ARHGAP10: variants seen among roughly 807,000 people sequenced by gnomAD.
ARHGAP10 encodes the protein rho GTPase-activating protein 10.
In ARHGAP10, 87 loss-of-function variants were observed where a neutral mutation model predicts 108.6. The observed-to-expected ratio is 0.80, with a 90% confidence interval of 0.67 to 0.96. The LOEUF (loss-of-function observed/expected upper bound fraction) is 0.96, where lower values mean the gene tolerates loss of function less well. Among genes scored for constraint, ARHGAP10 ranks in the 40% least tolerant of loss-of-function variants. The probability of loss-of-function intolerance (pLI) is 0.00; values close to 1 mark genes in which losing one functional copy is unlikely to be tolerated. For missense variants in ARHGAP10, 939 were observed against 954.5 expected (o/e 0.98, Z 0.21); for synonymous variants, 347 against 341.1 (o/e 1.02, Z -0.19).
intron 20 of ARHGAP10, among the ~76,000 whole-genome samples, chr4:148,060,016 GGGGAGAGAGAC>G (rs892575487): frequency 2.4e-4 from 21 of 86,078 alleles, no homozygotes; most frequent in African/African-American, 6.8e-4. Context: ...GAGAGAGAGA[GGGGAGAGAGAC>G]GAGAGAGAGA....
At position 147,966,697 on chromosome 4, in the gene ARHGAP10, A is replaced by G; in HGVS notation, c.1574A>G (p.Lys525Arg). 6.3e-7 allele frequency: 1 copy of G among 1,585,402 alleles called. No individual in the cohort carries two copies. The highest frequency in any genetic ancestry group is 8.6e-7 in the Non-Finnish European group (1 of 1,162,234). Reference protein sequence around the residue: ...KHLTNVSNHSKQNLMTVANLG... With the variant: ...KHLTNVSNHSRQNLMTVANLG... ...AATTTCAGTGTTTCAAATCACTCCA[A>G]GCAGAACCTGATGACTGTGGCAAAC... The change falls in exon 18 of 23, where the codon AAG (lysine) becomes AGG (arginine). Residue 525 changes from lysine to arginine, a missense_variant. Transcript: ENST00000336498.
intron 3 of ARHGAP10, among the ~76,000 whole-genome samples, chr4:147,839,361 G>A (rs763848475): frequency 6.6e-5 from 10 of 152,174 alleles, no homozygotes; most frequent in Non-Finnish European, 1.5e-4. Context: ...CTCAGATTAT[G>A]CATTCCTCTG....
At chr4:148,018,958 G>C (rs552459353) in intron 18 of ARHGAP10, among the ~76,000 whole-genome samples, 1 of 152,226 alleles carries the variant, frequency 6.6e-6, no homozygotes, top group African/African-American at 2.4e-5. Flanking sequence ...AACTGCTTAT[G>C]AGAAAGCTTG....
intron 10 of ARHGAP10, among the ~76,000 whole-genome samples, chr4:147,885,516 G>A (rs1237091777): frequency 1.3e-5 from 2 of 152,198 alleles, no homozygotes; most frequent in East Asian, 1.9e-4. Flanking sequence ...TACAATTCAA[G>A]TTGAGACTTG....
At position 147,866,750 on chromosome 4, in the gene ARHGAP10, T is replaced by C; in HGVS notation, c.636T>C (p.His212=). The change falls in exon 7 of 23, where the codon CAT becomes CAC. Residue 212 remains histidine, a synonymous_variant. Transcript: ENST00000336498. The part of the protein sequence containing the change: ...SFFQGMFTFY[H]QGHELAKDFN... ...TTCAGGGGATGTTTACCTTCTATCA[T>C]CAGGGCCATGAACTTGCCAAAGACT... 6.2e-7 allele frequency: 1 copy of C among 1,613,948 alleles called. No individual in the cohort carries two copies. Among genetic ancestry groups the C allele is most frequent in the Non-Finnish European group, 8.5e-7 (1 of 1,179,890 alleles).
At chr4:148,022,706 G>A in intron 18 of ARHGAP10, among the ~76,000 whole-genome samples, 1 of 152,258 alleles carries the variant, frequency 6.6e-6, no homozygotes, top group Admixed American at 6.5e-5. Flanking sequence ...ATAAAAGAGG[G>A]GTTAGAGGGT....
At chr4:148,068,721 G>A (rs1002540175) in intron 22 of ARHGAP10, among the ~76,000 whole-genome samples, 2 of 152,240 alleles carry the variant, frequency 1.3e-5, no homozygotes, top group Admixed American at 1.3e-4. Context: ...CCAGGACGCA[G>A]CCTCCCTGTG....
At chr4:148,006,960 A>G (rs963225903) in intron 18 of ARHGAP10, among the ~76,000 whole-genome samples, 1 of 152,220 alleles carries the variant, frequency 6.6e-6, no homozygotes, top group East Asian at 1.9e-4. Context: ...AGCACTCAGC[A>G]GTACTATACT....
intron 7 of ARHGAP10, among the ~76,000 whole-genome samples, chr4:147,870,308 G>C (rs1419406642): frequency 6.6e-6 from 1 of 152,140 alleles, no homozygotes; most frequent in African/African-American, 2.4e-5. Flanking sequence ...TGATCTGCCT[G>C]CCTTGGCCTC....
At chr4:147,752,509 T>TACACAGGTTTAATCTGTAC (rs1729196160) in intron 1 of ARHGAP10, among the ~76,000 whole-genome samples, 1 of 151,986 alleles carries the variant, frequency 6.6e-6, no homozygotes, top group African/African-American at 2.4e-5. Flanking sequence ...TAATAGAGGG[T>TACACAGGTTTAATCTGTAC]ACACAGGTTT....
rs540899232 is a variant in ARHGAP10, at chr4:147,807,597, A to C, written c.155-15130A>C. Among the ~76,000 whole-genome samples the C allele has an allele frequency of 2.7e-3, 411 of 152,318 alleles. 1 individual carries two copies. The highest frequency in any genetic ancestry group is 6.8e-3 in the Middle Eastern group (2 of 294). ...AACATTTGACTACCTAAAAATAGAG[A>C]GTTCAAAAGCATAATCCAAAAAAAG... On this transcript the variant is annotated intron_variant, in intron 1 of 22. Coordinates refer to ENST00000336498, the MANE Select transcript of ARHGAP10 (RefSeq NM_024605.4).
At chr4:147,732,599 G>A (rs987441402) in intron 1 of ARHGAP10, 144 bp downstream of exon 1, 11 of 1,160,802 alleles carry the variant, frequency 9.5e-6, no homozygotes, top group Middle Eastern at 2.9e-4. Context: ...CAGCTCTCTC[G>A]GAACCCCGGG....
At chr4:147,757,869 G>T in intron 1 of ARHGAP10, among the ~76,000 whole-genome samples, 1 of 152,260 alleles carries the variant, frequency 6.6e-6, no homozygotes, top group Middle Eastern at 3.4e-3. Context: ...GCCCATCCCT[G>T]TCCAGTCACC....
intron 1 of ARHGAP10, among the ~76,000 whole-genome samples, chr4:147,776,174 G>A (rs910772838): frequency 2.6e-5 from 4 of 152,178 alleles, no homozygotes; most frequent in Non-Finnish European, 5.9e-5. Flanking sequence ...AGTGGCAACA[G>A]ATACAACCTA....
chr4:147,779,949 G>T (rs1579034020), intron 1 of ARHGAP10, among the ~76,000 whole-genome samples: 1 of 152,234 alleles, frequency 6.6e-6, no homozygotes, highest in Non-Finnish European at 1.5e-5. Context: ...TCTTGCCCGA[G>T]TATGAGTGGG....
At chr4:147,873,728 G>A (rs6856071) in intron 7 of ARHGAP10, among the ~76,000 whole-genome samples, 138,911 of 146,722 alleles carry the variant, frequency 0.95, 66,181 homozygotes, top group Non-Finnish European at 1. Context: ...ACACACTCTT[G>A]GCCTGGTGTA....
At chr4:147,985,863 A>T (rs1294383664) in intron 18 of ARHGAP10, among the ~76,000 whole-genome samples, 2 of 152,176 alleles carry the variant, frequency 1.3e-5, no homozygotes, top group Admixed American at 6.5e-5. Flanking sequence ...GATCCCTAGC[A>T]GTAAGGGAAA....
intron 12 of ARHGAP10, among the ~76,000 whole-genome samples, chr4:147,911,850 G>A (rs1736750069): frequency 6.6e-6 from 1 of 151,428 alleles, no homozygotes; most frequent in Admixed American, 6.6e-5. Flanking sequence ...TTAAAAGCTT[G>A]GAGCATGGTG....
chr4:148,066,751 C>T (rs1729895547), intron 22 of ARHGAP10, among the ~76,000 whole-genome samples: 1 of 152,218 alleles, frequency 6.6e-6, no homozygotes, highest in Admixed American at 6.5e-5. Context: ...TCCTTTAGGA[C>T]TCTGTGCAGC....
Sources: allele counts gnomAD v4.1 joint callset (sites outside exome capture counted in the v4.1 genomes callset), GRCh38; gene constraint gnomAD v4.1.1; transcripts MANE v1.5; gene names NCBI Gene and HGNC (gene_info 2026-07-23, HGNC 2026-07-21).